DYM: variants seen among roughly 807,000 people sequenced by gnomAD.
DYM encodes the protein dymeclin.
DYM carries 78 observed loss-of-function variants against 93.1 expected under a neutral mutation model. The ratio of observed to expected loss-of-function variants is 0.84; its 90% CI spans 0.70 to 1.01. The LOEUF is 1.01. Ranked by LOEUF, DYM falls within the 50% of genes least tolerant of loss-of-function variation. The pLI is 0.00. For missense variants in DYM, 789 were observed against 845.0 expected (o/e 0.93, Z 0.82); for synonymous variants, 321 against 319.7 (o/e 1.00, Z -0.04).
At chr18:49,256,264 G>A (rs568869595) in intron 13 of DYM, among the ~76,000 whole-genome samples, 1 of 152,220 alleles carries the variant, frequency 6.6e-6, no homozygotes, top group South Asian at 2.1e-4. Context: ...TGAGATGGAA[G>A]ATAATCCTGG....
At chr18:49,433,561 A>G (rs987772436) in intron 1 of DYM, among the ~76,000 whole-genome samples, 1 of 152,164 alleles carries the variant, frequency 6.6e-6, no homozygotes, top group Non-Finnish European at 1.5e-5. Context: ...AAATCAAAAA[A>G]CAGTAAAAAT....
At chr18:49,328,903 C>G (rs572742685) in intron 8 of DYM, among the ~76,000 whole-genome samples, 1 of 152,144 alleles carries the variant, frequency 6.6e-6, no homozygotes, top group East Asian at 1.9e-4. Context: ...GAACTAGAAA[C>G]AACATTTGAC....
At chr18:49,247,540 G>A (rs1283873285) in intron 13 of DYM, among the ~76,000 whole-genome samples, 1 of 152,122 alleles carries the variant, frequency 6.6e-6, no homozygotes, top group African/African-American at 2.4e-5. Context: ...GTAACATGAT[G>A]GTGACATTCA....
intron 16 of DYM, among the ~76,000 whole-genome samples, chr18:49,117,613 A>G (rs1190533760): frequency 6.6e-6 from 1 of 152,152 alleles, no homozygotes; most frequent in Non-Finnish European, 1.5e-5. Context: ...GCAAATATCC[A>G]ATCTCTAACA....
At chr18:49,210,822 G>T (rs1425550064) in intron 13 of DYM, among the ~76,000 whole-genome samples, 1 of 152,120 alleles carries the variant, frequency 6.6e-6, no homozygotes, top group African/African-American at 2.4e-5. Flanking sequence ...GATCACTTTT[G>T]CTGTGAACCT....
chr18:49,237,131 CA>C (rs2144615978), intron 13 of DYM, among the ~76,000 whole-genome samples: 1 of 152,214 alleles, frequency 6.6e-6, no homozygotes, highest in African/African-American at 2.4e-5. Flanking sequence ...AAGGACTGTA[CA>C]CACTGAAAGG....
chr18:49,232,383 T>C (rs1467782259), intron 13 of DYM, among the ~76,000 whole-genome samples: 2 of 151,662 alleles, frequency 1.3e-5, no homozygotes, highest in African/African-American at 4.8e-5. Flanking sequence ...CTCGGCTCAC[T>C]GCAAGATCCA....
intron 14 of DYM, among the ~76,000 whole-genome samples, chr18:49,186,807 T>TA (rs2090475788): frequency 6.6e-6 from 1 of 151,868 alleles, no homozygotes; most frequent in Admixed American, 6.6e-5. Context: ...GGGATCTTGC[T>TA]AAAAAATTAT....
At chr18:49,111,909 G>A (rs1011893211) in intron 16 of DYM, among the ~76,000 whole-genome samples, 3 of 152,118 alleles carry the variant, frequency 2.0e-5, no homozygotes, top group African/African-American at 7.2e-5. Flanking sequence ...CCTTTCTTCC[G>A]ATGGCAGCCA....
chr18:49,092,398 G>T (rs1170899802), intron 17 of DYM, among the ~76,000 whole-genome samples: 1 of 152,200 alleles, frequency 6.6e-6, no homozygotes, highest in Non-Finnish European at 1.5e-5. Context: ...TCCCTGACTA[G>T]TTCTTCCCAG....
chr18:49,046,539 CAG>C (rs2071604094), intron 17 of DYM, among the ~76,000 whole-genome samples: 1 of 150,214 alleles, frequency 6.7e-6, no homozygotes, highest in Non-Finnish European at 1.5e-5. Flanking sequence ...ACCAGACACA[CAG>C]ACACAACACA....
chr18:49,343,404 T>A (rs569087958), intron 6 of DYM, among the ~76,000 whole-genome samples: 29 of 152,204 alleles, frequency 1.9e-4, no homozygotes, highest in Non-Finnish European at 3.7e-4. Flanking sequence ...TACTCTCCCA[T>A]CAAACAGTAA....
At chr18:49,397,220 A>G (rs968913124) in intron 2 of DYM, among the ~76,000 whole-genome samples, 1 of 152,146 alleles carries the variant, frequency 6.6e-6, no homozygotes, top group East Asian at 1.9e-4. Flanking sequence ...TTTAAAAATG[A>G]TAACTATTAT....
At chr18:49,242,912 G>C (rs547855898) in intron 13 of DYM, among the ~76,000 whole-genome samples, 1 of 152,234 alleles carries the variant, frequency 6.6e-6, no homozygotes, top group East Asian at 1.9e-4. Context: ...GTATTAGCCA[G>C]GATGGTCTCG....
At chr18:49,399,965 G>A (rs566573067) in intron 2 of DYM, among the ~76,000 whole-genome samples, 4 of 88,354 alleles carry the variant, frequency 4.5e-5, no homozygotes, top group East Asian at 5.1e-4. Flanking sequence ...TTTTTGAGAC[G>A]GAGTCTTCCT....
chr18:49,117,614 A>G (rs1051980283), intron 16 of DYM, among the ~76,000 whole-genome samples: 2 of 152,138 alleles, frequency 1.3e-5, no homozygotes, highest in African/African-American at 2.4e-5. Flanking sequence ...CAAATATCCA[A>G]TCTCTAACAC....
At chr18:49,264,427 A>G (rs2094538193) in intron 11 of DYM, among the ~76,000 whole-genome samples, 2 of 152,182 alleles carry the variant, frequency 1.3e-5, no homozygotes, top group African/African-American at 2.4e-5. Flanking sequence ...CACTACCAGC[A>G]TATGAGAGTC....
chr18:49,298,756 T>C (rs965824578), intron 8 of DYM, among the ~76,000 whole-genome samples: 2 of 152,162 alleles, frequency 1.3e-5, no homozygotes, highest in Non-Finnish European at 2.9e-5. Context: ...TCGATTCCTG[T>C]TTACTTGTTT....
rs1158358509 is a variant in DYM, at chr18:49,095,706, G to A, written c.2025+1696C>T. ...GCCATAATTCTGAAAAACGAAAAGA[G>A]TTACATTTTTGTTTATATGTCACTG... On this transcript the variant is annotated intron_variant, in intron 17 of 17. Coordinates refer to ENST00000675505, the MANE Select transcript of DYM (RefSeq NM_001353214.3). 2.0e-5 allele frequency among the ~76,000 whole-genome samples: 3 copies of A among 152,012 alleles called. No homozygotes were observed. The East Asian group carries it at 5.8e-4, about 29-fold the overall frequency.
Sources: allele counts gnomAD v4.1 joint callset (sites outside exome capture counted in the v4.1 genomes callset), GRCh38; gene constraint gnomAD v4.1.1; transcripts MANE v1.5; gene names NCBI Gene and HGNC (gene_info 2026-07-23, HGNC 2026-07-21).